GRM8: variants seen among roughly 807,000 people sequenced by gnomAD.
GRM8 encodes the protein glutamate metabotropic receptor 8.
Under a neutral mutation model 87.2 loss-of-function variants are expected in GRM8, and 47 were observed. The ratio of observed to expected loss-of-function variants is 0.54; its 90% confidence interval spans 0.43 to 0.69. The LOEUF is 0.69. Among genes scored for constraint, GRM8 ranks in the 30% least tolerant of loss-of-function variants. The probability of loss-of-function intolerance (pLI) is 0.00; values close to 1 mark genes in which losing one functional copy is unlikely to be tolerated. For synonymous variants in GRM8, 396 were observed against 404.5 expected, an observed-to-expected ratio of 0.98 and a Z score of 0.25; for missense variants, 1,019 against 1,139.2, an observed-to-expected ratio of 0.89 and a Z score of 1.52.
chr7:127,207,235 T>C lies in GRM8; in HGVS notation c.510+35460A>G, dbSNP rs538097863. 1.4e-4 allele frequency among the ~76,000 whole-genome samples: 21 copies of C among 152,306 alleles called. No homozygotes were observed. In the South Asian group the frequency reaches 4.2e-3, roughly 30 times the overall value. On this transcript the variant is annotated intron_variant, in intron 2 of 10. Coordinates refer to ENST00000339582, the MANE Select transcript of GRM8 (RefSeq NM_000845.3). ...TGATTATGTTCTTAAGAGAAAATATTTGTATTTACTATCTATGCATTTGAA... is the reference window on the plus strand; with the variant it reads ...TGATTATGTTCTTAAGAGAAAATATCTGTATTTACTATCTATGCATTTGAA...
intron 3 of GRM8, among the ~76,000 whole-genome samples, chr7:126,965,355 G>A (rs927385817): frequency 6.6e-6 from 1 of 151,850 alleles, no homozygotes; most frequent in Non-Finnish European, 1.5e-5. Context: ...AGAAAACATA[G>A]ACACTATCAA....
intron 8 of GRM8, among the ~76,000 whole-genome samples, chr7:126,579,153 T>C (rs1562971747): frequency 1.3e-5 from 2 of 152,176 alleles, no homozygotes; most frequent in Admixed American, 1.3e-4. Context: ...TATTAGAAGT[T>C]TGGTTCTGTT....
At chr7:126,594,118 G>A (rs575227690) in intron 8 of GRM8, among the ~76,000 whole-genome samples, 12 of 152,074 alleles carry the variant, frequency 7.9e-5, no homozygotes, top group African/African-American at 2.9e-4. Context: ...GGAGAAAATG[G>A]AATTTTGCAA....
chr7:127,243,427 G>A lies in GRM8; in HGVS notation c.-223C>T. 1 of 530,266 alleles carries A rather than the reference G, an allele frequency of 1.9e-6. No homozygotes were observed. The highest frequency in any genetic ancestry group is 3.3e-6 in the Non-Finnish European group (1 of 302,404). The allele number at this position is 530,266 out of a possible 1,614,324, so 32.8% of individuals were successfully genotyped here. On this transcript the variant is annotated 5_prime_UTR_variant, in exon 2 of 11. Coordinates refer to ENST00000339582, the MANE Select transcript of GRM8 (RefSeq NM_000845.3). Reference sequence around the variant, plus strand: ...CTTATAAGATCAACTTGCCTGGAATGGTGCAAAAATTAGAACATCTGAGGT... The same window carrying A: ...CTTATAAGATCAACTTGCCTGGAATAGTGCAAAAATTAGAACATCTGAGGT...
At chr7:127,112,197 G>A (rs1478657533) in intron 2 of GRM8, 1 of 152,042 alleles carries the variant, frequency 6.6e-6, no homozygotes, top group African/African-American at 2.4e-5. Context: ...CTTCCTTTTT[G>A]TTTCACCTGC....
rs935120405 is a variant in GRM8, at chr7:126,998,735, T to A, written c.728-94052A>T. Among the ~76,000 whole-genome samples, 3 of 151,598 alleles carry A rather than the reference T, an allele frequency of 2.0e-5. No individual in the cohort carries two copies. In the East Asian group the frequency reaches 5.8e-4, roughly 29 times the overall value. The stretch of plus-strand genomic sequence containing the variant: ...GAAAAAAACTCTACAATGAAAATTA[T>A]AAAACACTGATAAAAGACATTGAAG... On this transcript the variant is annotated intron_variant, in intron 3 of 10. Coordinates refer to ENST00000339582, the MANE Select transcript of GRM8 (RefSeq NM_000845.3).
intron 8 of GRM8, among the ~76,000 whole-genome samples, chr7:126,594,025 C>T (rs1027522124): frequency 6.6e-6 from 1 of 151,818 alleles, no homozygotes; most frequent in Non-Finnish European, 1.5e-5. Flanking sequence ...TAGGAAAATG[C>T]AAATTAAAAC....
chr7:127,183,966 A>G (rs2116433362), intron 2 of GRM8, among the ~76,000 whole-genome samples: 1 of 152,022 alleles, frequency 6.6e-6, no homozygotes, highest in South Asian at 2.1e-4. Context: ...AAGTCACAAA[A>G]GGAAAAGTAG....
intron 7 of GRM8, among the ~76,000 whole-genome samples, chr7:126,726,649 C>G (rs1266754980): frequency 6.6e-6 from 1 of 152,002 alleles, no homozygotes; most frequent in African/African-American, 2.4e-5. Flanking sequence ...GAGACAGAGT[C>G]CATTATAATT....
At chr7:127,026,670 T>C (rs377456021) in intron 3 of GRM8, among the ~76,000 whole-genome samples, 1 of 152,228 alleles carries the variant, frequency 6.6e-6, no homozygotes, top group East Asian at 1.9e-4. Flanking sequence ...TCTGTTCATA[T>C]CCTTTGCCCA....
chr7:126,779,644 A>C (rs1231417669), intron 6 of GRM8, among the ~76,000 whole-genome samples: 1 of 152,174 alleles, frequency 6.6e-6, no homozygotes, highest in Non-Finnish European at 1.5e-5. Context: ...ATCCTTAATA[A>C]AGATATGTCA....
chr7:126,841,114 G>A (rs1796233824), intron 6 of GRM8, among the ~76,000 whole-genome samples: 1 of 152,178 alleles, frequency 6.6e-6, no homozygotes, highest in East Asian at 1.9e-4. Context: ...ATTCAGCAAT[G>A]CTTGTCATGT....
At position 126,559,759 on chromosome 7, in the gene GRM8, A is replaced by G. The variant is rs553798960; in HGVS notation, c.1495-25872T>C. On this transcript the variant is annotated intron_variant, in intron 8 of 10. Transcript: ENST00000339582. Reference sequence around the variant, plus strand: ...TATGAATTGGAACTTTCAGGAATCCACCTGGTATGAATGTAAACTATTACT... The same window carrying G: ...TATGAATTGGAACTTTCAGGAATCCGCCTGGTATGAATGTAAACTATTACT... Among the ~76,000 whole-genome samples the G allele has an allele frequency of 8.7e-4, 133 of 152,306 alleles. 1 individual carries two copies. Among genetic ancestry groups the G allele is most frequent in the Non-Finnish European group, 1.4e-3 (94 of 68,020 alleles).
chr7:126,855,009 G>C (rs944877637), intron 6 of GRM8, among the ~76,000 whole-genome samples: 2 of 152,162 alleles, frequency 1.3e-5, no homozygotes, highest in African/African-American at 4.8e-5. Context: ...TCTTGTTCCA[G>C]CTCTCAGGGG....
intron 3 of GRM8, among the ~76,000 whole-genome samples, chr7:127,053,565 G>A (rs17865575): frequency 0.015 from 2,284 of 152,170 alleles, 54 homozygotes; most frequent in African/African-American, 0.052. Flanking sequence ...CGTGGCAGGC[G>A]GATCACAAGG....
chr7:126,739,599 A>G (rs1814704120), intron 7 of GRM8, among the ~76,000 whole-genome samples: 2 of 151,898 alleles, frequency 1.3e-5, no homozygotes, highest in Non-Finnish European at 2.9e-5. Flanking sequence ...ACTGTTCTCA[A>G]TTTTCCTAAT....
chr7:126,716,098 T>C (rs1811705504), intron 7 of GRM8, among the ~76,000 whole-genome samples: 1 of 152,242 alleles, frequency 6.6e-6, no homozygotes, highest in Non-Finnish European at 1.5e-5. Flanking sequence ...TGCTTAATAA[T>C]ACTCAGTTTG....
chr7:127,022,915 A>G (rs1816418952), intron 3 of GRM8, among the ~76,000 whole-genome samples: 2 of 152,074 alleles, frequency 1.3e-5, no homozygotes, highest in South Asian at 4.1e-4. Context: ...GATCTATATT[A>G]TGAGAACATG....
chr7:126,612,932 C>T (rs950830609), intron 7 of GRM8, among the ~76,000 whole-genome samples: 5 of 152,280 alleles, frequency 3.3e-5, no homozygotes, highest in African/African-American at 4.8e-5. Context: ...TTAGAAACCA[C>T]GGGGAAACTT....
Sources: allele counts gnomAD v4.1 joint callset (sites outside exome capture counted in the v4.1 genomes callset), GRCh38; gene constraint gnomAD v4.1.1; transcripts MANE v1.5; gene names NCBI Gene and HGNC (gene_info 2026-07-23, HGNC 2026-07-21).